CDH18: variants seen among roughly 807,000 people sequenced by gnomAD.
CDH18 encodes cadherin 18, also known as cadherin-18.
Under a neutral mutation model 67.9 loss-of-function variants are expected in CDH18, and 31 were observed. That is an observed-to-expected ratio of 0.46 (90% CI 0.34 to 0.62). CDH18 has a LOEUF of 0.62. Ranked by LOEUF, CDH18 falls within the 20% of genes least tolerant of loss-of-function variation. The probability of loss-of-function intolerance (pLI) is 0.01; values close to 1 mark genes in which losing one functional copy is unlikely to be tolerated. For synonymous variants in CDH18, 362 were observed against 347.2 expected, an observed-to-expected ratio of 1.04 and a Z score of -0.48; for missense variants, 890 against 975.5, an observed-to-expected ratio of 0.91 and a Z score of 1.17.
intron 2 of CDH18, among the ~76,000 whole-genome samples, chr5:20,203,418 A>T (rs1004328977): frequency 6.6e-6 from 1 of 152,102 alleles, no homozygotes; most frequent in Non-Finnish European, 1.5e-5. Context: ...GTTCCCCTAG[A>T]CAAAAAACAC....
intron 1 of CDH18, among the ~76,000 whole-genome samples, chr5:20,323,738 T>G (rs1738264203): frequency 6.6e-6 from 1 of 152,236 alleles, no homozygotes; most frequent in East Asian, 1.9e-4. Context: ...ATGCATTTTG[T>G]TCTCTAAGTG....
intron 9 of CDH18, among the ~76,000 whole-genome samples, chr5:19,530,134 A>C (rs1748360929): frequency 6.6e-6 from 1 of 152,164 alleles, no homozygotes; most frequent in African/African-American, 2.4e-5. Flanking sequence ...TAAATACACA[A>C]ATGCTCAAGG....
At chr5:19,966,992 C>T (rs1273529389) in intron 2 of CDH18, among the ~76,000 whole-genome samples, 1 of 151,356 alleles carries the variant, frequency 6.6e-6, no homozygotes, top group East Asian at 1.9e-4. Flanking sequence ...ATAGCACATC[C>T]ATATAATATA....
chr5:19,526,746 C>T (rs1002735279), intron 9 of CDH18, among the ~76,000 whole-genome samples: 5 of 151,534 alleles, frequency 3.3e-5, no homozygotes, highest in Non-Finnish European at 5.9e-5. Flanking sequence ...TATTCATATT[C>T]GAAAATTAGT....
intron 1 of CDH18, among the ~76,000 whole-genome samples, chr5:20,376,406 A>C (rs1297255876): frequency 2.0e-5 from 3 of 151,840 alleles, no homozygotes; most frequent in Non-Finnish European, 4.4e-5. Flanking sequence ...AATAGGTTTT[A>C]TTTCAGTTTG....
intron 2 of CDH18, among the ~76,000 whole-genome samples, chr5:19,844,557 G>A (rs1165514923): frequency 6.6e-6 from 1 of 152,072 alleles, no homozygotes; most frequent in Non-Finnish European, 1.5e-5. Context: ...TTTCTTTATA[G>A]CAGTGTGAAA....
chr5:20,353,032 T>C (rs1223635412), intron 1 of CDH18, among the ~76,000 whole-genome samples: 1 of 152,194 alleles, frequency 6.6e-6, no homozygotes, highest in African/African-American at 2.4e-5. Flanking sequence ...ACAAATAATA[T>C]GAAAATGGTT....
chr5:19,578,800 C>CT (rs200554349), intron 7 of CDH18, among the ~76,000 whole-genome samples: 4,430 of 149,622 alleles, frequency 0.03, 137 homozygotes, highest in Admixed American at 0.077. Context: ...ATTTGTTTGC[C>CT]TTTTTTTTTC....
intron 1 of CDH18, among the ~76,000 whole-genome samples, chr5:20,350,737 C>A (rs1741098952): frequency 6.6e-6 from 1 of 151,862 alleles, no homozygotes; most frequent in African/African-American, 2.4e-5. Flanking sequence ...AGAACTGTGA[C>A]AGTGAATAAG....
intron 1 of CDH18, among the ~76,000 whole-genome samples, chr5:20,473,102 T>G (rs1256539454): frequency 6.6e-6 from 1 of 152,126 alleles, no homozygotes; most frequent in Non-Finnish European, 1.5e-5. Flanking sequence ...TTTCTTAAGG[T>G]TCTATAAATG....
chr5:19,504,789 T>C (rs1743829249), intron 10 of CDH18, among the ~76,000 whole-genome samples: 1 of 152,102 alleles, frequency 6.6e-6, no homozygotes, highest in Non-Finnish European at 1.5e-5. Flanking sequence ...TTCTCCATCA[T>C]ACCTCATAAC....
chr5:20,551,843 A>T (rs1387841132), intron 1 of CDH18, among the ~76,000 whole-genome samples: 1 of 152,048 alleles, frequency 6.6e-6, no homozygotes, highest in African/African-American at 2.4e-5. Context: ...GTTAAATGAG[A>T]GTTCTTAAAA....
At chr5:19,706,998 T>C (rs1355833875) in intron 5 of CDH18, among the ~76,000 whole-genome samples, 1 of 152,192 alleles carries the variant, frequency 6.6e-6, no homozygotes, top group Non-Finnish European at 1.5e-5. Flanking sequence ...ACTGGTTTGG[T>C]GGAGAGATCC....
At chr5:20,111,050 G>A (rs539252239) in intron 2 of CDH18, among the ~76,000 whole-genome samples, 20 of 151,652 alleles carry the variant, frequency 1.3e-4, no homozygotes, top group South Asian at 2.1e-4. Context: ...AATCTTTCTC[G>A]GCTATCAGTT....
At chr5:19,887,571 G>A (rs1367515992) in intron 2 of CDH18, among the ~76,000 whole-genome samples, 1 of 151,530 alleles carries the variant, frequency 6.6e-6, no homozygotes, top group Non-Finnish European at 1.5e-5. Context: ...TCTGGGACTT[G>A]CTTTTTTTTT....
intron 2 of CDH18, among the ~76,000 whole-genome samples, chr5:19,862,581 A>C (rs1785023256): frequency 6.6e-6 from 1 of 152,210 alleles, no homozygotes; most frequent in Non-Finnish European, 1.5e-5. Context: ...AACAGCTTAC[A>C]TTATTTAACT....
chr5:19,794,631 T>G (rs1776678334), intron 3 of CDH18, among the ~76,000 whole-genome samples: 1 of 152,144 alleles, frequency 6.6e-6, no homozygotes, highest in Admixed American at 6.6e-5. Context: ...AACCCTAATA[T>G]AAACTATAAC....
At chr5:19,717,155 C>T (rs10941428) in intron 5 of CDH18, among the ~76,000 whole-genome samples, 84,659 of 151,814 alleles carry the variant, frequency 0.56, 26,694 homozygotes, top group East Asian at 0.74. Flanking sequence ...CTGTATTTTT[C>T]GTGACATCAG....
intron 5 of CDH18, among the ~76,000 whole-genome samples, chr5:19,658,738 G>T (rs1400433404): frequency 6.6e-6 from 1 of 151,378 alleles, no homozygotes; most frequent in East Asian, 1.9e-4. Context: ...CGCCATGTTG[G>T]TGTGCTGCAC....
Sources: allele counts gnomAD v4.1 joint callset (sites outside exome capture counted in the v4.1 genomes callset), GRCh38; gene constraint gnomAD v4.1.1; transcripts MANE v1.5; gene names NCBI Gene and HGNC (gene_info 2026-07-23, HGNC 2026-07-21).